The following TMEM132D variants were observed in gnomAD, a reference collection of about 807,000 sequenced individuals.
The protein encoded by TMEM132D is mature OL transmembrane protein.
In TMEM132D, 21 loss-of-function variants were observed where a neutral mutation model predicts 62.3. The ratio of observed to expected loss-of-function variants is 0.34; its 90% CI spans 0.24 to 0.49. The LOEUF (loss-of-function observed/expected upper bound fraction) is 0.49, where lower values mean the gene tolerates loss of function less well. TMEM132D is among the 20% of genes least tolerant of loss of function. The probability of loss-of-function intolerance (pLI) is 0.99; values close to 1 mark genes in which losing one functional copy is unlikely to be tolerated. For synonymous variants in TMEM132D, 621 were observed against 575.6 expected (o/e 1.08, Z -1.13); for missense variants, 1,346 against 1,402.8 (o/e 0.96, Z 0.65).
At chr12:129,741,506 G>C (rs1869602967) in intron 1 of TMEM132D, among the ~76,000 whole-genome samples, 1 of 152,284 alleles carries the variant, frequency 6.6e-6, no homozygotes, top group African/African-American at 2.4e-5. Context: ...GGTCTTGAGA[G>C]ACTCTGAAAG....
intron 2 of TMEM132D, among the ~76,000 whole-genome samples, chr12:129,682,334 G>A (rs1423775404): frequency 2.6e-5 from 4 of 152,146 alleles, no homozygotes; most frequent in Admixed American, 6.5e-5. Flanking sequence ...GACAAGGTAA[G>A]ACCCCAGGAA....
chr12:129,254,870 A>G (rs988523138), intron 4 of TMEM132D, among the ~76,000 whole-genome samples: 2 of 152,076 alleles, frequency 1.3e-5, no homozygotes, highest in Non-Finnish European at 2.9e-5. Context: ...GTCCATATGT[A>G]GTAGTTAGGT....
intron 2 of TMEM132D, among the ~76,000 whole-genome samples, chr12:129,636,132 T>G (rs1327903980): frequency 6.6e-6 from 1 of 152,176 alleles, no homozygotes; most frequent in Non-Finnish European, 1.5e-5. Context: ...TTAGAGGCAA[T>G]AGATGGCAAA....
chr12:129,724,788 G>C (rs962325082), intron 1 of TMEM132D, among the ~76,000 whole-genome samples: 4 of 152,206 alleles, frequency 2.6e-5, no homozygotes, highest in Non-Finnish European at 5.9e-5. Context: ...CTCCTAAAGT[G>C]CTGGGATTAC....
intron 3 of TMEM132D, among the ~76,000 whole-genome samples, chr12:129,501,707 T>C (rs1436520830): frequency 1.3e-5 from 2 of 152,028 alleles, no homozygotes; most frequent in African/African-American, 2.4e-5. Context: ...GGTTTTACCA[T>C]GTTGCCCAGG....
At chr12:129,707,945 G>A (rs547728213) in intron 1 of TMEM132D, among the ~76,000 whole-genome samples, 11 of 152,206 alleles carry the variant, frequency 7.2e-5, no homozygotes, top group African/African-American at 1.7e-4. Context: ...GGCCAGGCGC[G>A]GTGGTTCACA....
intron 4 of TMEM132D, among the ~76,000 whole-genome samples, chr12:129,233,276 T>C (rs1220533159): frequency 2.0e-5 from 3 of 152,230 alleles, no homozygotes; most frequent in Non-Finnish European, 2.9e-5. Context: ...TATCATCATC[T>C]GCACGCAACA....
At chr12:129,723,940 A>T (rs926953643) in intron 1 of TMEM132D, among the ~76,000 whole-genome samples, 1 of 152,170 alleles carries the variant, frequency 6.6e-6, no homozygotes, top group African/African-American at 2.4e-5. Context: ...GAATTCCAGA[A>T]CCGGTGACTA....
chr12:129,366,713 G>A (rs973924632), intron 3 of TMEM132D, among the ~76,000 whole-genome samples: 1 of 152,190 alleles, frequency 6.6e-6, no homozygotes, highest in African/African-American at 2.4e-5. Flanking sequence ...TGGTGTGAAA[G>A]GAGCCACAAG....
intron 3 of TMEM132D, among the ~76,000 whole-genome samples, chr12:129,411,129 C>T (rs1292367866): frequency 1.3e-5 from 2 of 152,006 alleles, no homozygotes; most frequent in African/African-American, 4.8e-5. Context: ...TTTAATGTTT[C>T]CCATTGATTC....
intron 2 of TMEM132D, among the ~76,000 whole-genome samples, chr12:129,589,486 A>C (rs1486573566): frequency 1.3e-5 from 2 of 152,228 alleles, no homozygotes; most frequent in African/African-American, 4.8e-5. Context: ...CCGCATATGC[A>C]AGGACAAACG....
chr12:129,244,385 CAAAAA>C (rs751155633), intron 4 of TMEM132D, among the ~76,000 whole-genome samples: 29,736 of 85,120 alleles, frequency 0.35, 3,437 homozygotes, highest in Middle Eastern at 0.38. Context: ...GACTCTGTCT[CAAAAA>C]AAAAAAAAAA....
intron 4 of TMEM132D, among the ~76,000 whole-genome samples, chr12:129,260,906 ACTT>A (rs1281328437): frequency 2.6e-5 from 4 of 152,102 alleles, no homozygotes; most frequent in African/African-American, 9.7e-5. Context: ...TTCTTTATCC[ACTT>A]GGTTGCTGGG....
At chr12:129,296,378 G>A (rs1452323015) in intron 4 of TMEM132D, among the ~76,000 whole-genome samples, 1 of 152,182 alleles carries the variant, frequency 6.6e-6, no homozygotes, top group Admixed American at 6.5e-5. Context: ...TAAGCACAGT[G>A]TTCTATTCAC....
intron 2 of TMEM132D, among the ~76,000 whole-genome samples, chr12:129,578,344 C>T (rs1272136365): frequency 2.0e-5 from 3 of 151,310 alleles, no homozygotes; most frequent in Admixed American, 6.6e-5. Flanking sequence ...AATAAATTAC[C>T]TCTCATATTT....
intron 4 of TMEM132D, among the ~76,000 whole-genome samples, chr12:129,274,748 G>A (rs2398456): frequency 0.049 from 7,381 of 152,132 alleles, 366 homozygotes; most frequent in Admixed American, 0.15. Context: ...TTAGCCAGGC[G>A]TGGTGGCGGG....
intron 2 of TMEM132D, among the ~76,000 whole-genome samples, chr12:129,665,970 G>T (rs879706728): frequency 1.3e-5 from 2 of 152,054 alleles, no homozygotes; most frequent in African/African-American, 2.4e-5. Context: ...CTTCTTATGT[G>T]AAATAAATTG....
chr12:129,802,753 A>G (rs1871839456), intron 1 of TMEM132D, among the ~76,000 whole-genome samples: 1 of 151,720 alleles, frequency 6.6e-6, no homozygotes, highest in African/African-American at 2.4e-5. Context: ...CAAATTGGAT[A>G]AAGAGTCAAG....
At chr12:129,292,706 T>G (rs1881479187) in intron 4 of TMEM132D, among the ~76,000 whole-genome samples, 1 of 152,222 alleles carries the variant, frequency 6.6e-6, no homozygotes, top group African/African-American at 2.4e-5. Flanking sequence ...AAATAACTTT[T>G]AATAGCACAT....
Sources: gnomAD v4.1 joint callset for allele counts (sites outside exome capture counted in the v4.1 genomes callset) on GRCh38, gnomAD v4.1.1 for gene constraint, MANE v1.5 for transcripts, NCBI Gene and HGNC (gene_info 2026-07-23, HGNC 2026-07-21) for gene names.